Variants in SFMBT1 observed in about 807,000 individuals in gnomAD.
SFMBT1 encodes the protein Scm like with four mbt domains 1.
In SFMBT1, 32 loss-of-function variants were observed where a neutral mutation model predicts 108.7. The observed-to-expected ratio is 0.29, with a 90% CI of 0.22 to 0.40. The LOEUF is 0.40. SFMBT1 is among the 10% of genes least tolerant of loss of function. The pLI, the probability that SFMBT1 is intolerant of heterozygous loss-of-function variation, is 1.00. For missense variants in SFMBT1, 816 were observed against 1,059.6 expected (o/e 0.77, Z 3.19); for synonymous variants, 348 against 369.5 (o/e 0.94, Z 0.67).
intron 1 of SFMBT1, among the ~76,000 whole-genome samples, chr3:53,001,806 G>T (rs562687973): frequency 1.3e-5 from 2 of 148,168 alleles, no homozygotes; most frequent in South Asian, 4.3e-4. Flanking sequence ...CATGACTGTG[G>T]TCCCAACTAC....
chr3:53,043,826 T>TC (rs1044849919), intron 1 of SFMBT1, among the ~76,000 whole-genome samples: 1 of 152,230 alleles, frequency 6.6e-6, no homozygotes, highest in Middle Eastern at 3.2e-3. Context: ...CGGCCATAAC[T>TC]CCAAGTTTAC....
At chr3:52,985,715 T>C (rs1023594006) in intron 1 of SFMBT1, among the ~76,000 whole-genome samples, 1 of 152,214 alleles carries the variant, frequency 6.6e-6, no homozygotes, top group Non-Finnish European at 1.5e-5. Context: ...CGGCCTACTA[T>C]ACACCTAGGC....
chr3:52,910,279 C>T (rs1702184513), intron 17 of SFMBT1, among the ~76,000 whole-genome samples: 1 of 152,040 alleles, frequency 6.6e-6, no homozygotes, highest in East Asian at 1.9e-4. Flanking sequence ...ATTGTTGTAT[C>T]CCAGTGCTAG....
chr3:53,043,794 A>G (rs1159251884), intron 1 of SFMBT1, among the ~76,000 whole-genome samples: 5 of 152,220 alleles, frequency 3.3e-5, no homozygotes, highest in African/African-American at 1.2e-4. Flanking sequence ...ATCATTATAA[A>G]AGCAAAGGGT....
At chr3:53,016,537 G>A (rs768206659) in intron 1 of SFMBT1, among the ~76,000 whole-genome samples, 7 of 152,116 alleles carry the variant, frequency 4.6e-5, no homozygotes, top group Admixed American at 3.9e-4. Flanking sequence ...ACATATCCCC[G>A]TGTTTTAATT....
At position 52,989,422 on chromosome 3, in the gene SFMBT1, CAAA is replaced by C. The variant is rs762327335; in HGVS notation, c.-130-20167_-130-20165del. Among the ~76,000 whole-genome samples the C allele has an allele frequency of 3.0e-3, 241 of 81,692 alleles. 4 individuals are homozygous for C. The East Asian group carries it at 0.071, about 24-fold the overall frequency. The allele number at this position is 81,692 out of a possible 152,430, so 53.6% of individuals were successfully genotyped here. ...ACTGCACTCCAGCCTGACTCCATCT[CAAA>C]AAAAAAAAAAAAAGAAAGAAAGAAA... On this transcript the variant is annotated intron_variant, in intron 1 of 20. Transcript: ENST00000394752.
intron 4 of SFMBT1, among the ~76,000 whole-genome samples, chr3:52,940,122 C>T (rs373964673): frequency 6.6e-6 from 1 of 152,282 alleles, no homozygotes. Context: ...AAACGAGATG[C>T]ATTTTCCTAC....
chr3:52,920,700 G>T, intron 11 of SFMBT1, 50 bp from the exon 12 acceptor site: 2 of 1,169,156 alleles, frequency 1.7e-6, no homozygotes, highest in Non-Finnish European at 2.5e-6. Flanking sequence ...CCTTTTTTTA[G>T]ACCATTAAAT....
In SFMBT1 at chr3:52,930,325, T is replaced by A; in HGVS notation, c.897+4A>T. ...TCTTACCAAGAGAGTTATCTCCATT[T>A]TACCTTAACAACTGTAGCAGGAGAG... On this transcript the variant is annotated splice_donor_region_variant and intron_variant, in intron 8 of 20. Coordinates refer to ENST00000394752, the MANE Select transcript of SFMBT1 (RefSeq NM_016329.4). 1 of 1,560,646 alleles carries A rather than the reference T, an allele frequency of 6.4e-7. No homozygotes were observed.
At chr3:52,977,217 G>C (rs918209434) in intron 1 of SFMBT1, among the ~76,000 whole-genome samples, 3 of 152,222 alleles carry the variant, frequency 2.0e-5, no homozygotes, top group South Asian at 2.1e-4. Flanking sequence ...CCTGTATTAA[G>C]AAAAAACTGG....
chr3:52,992,059 T>C (rs1178694925), intron 1 of SFMBT1, among the ~76,000 whole-genome samples: 1 of 152,164 alleles, frequency 6.6e-6, no homozygotes, highest in Non-Finnish European at 1.5e-5. Flanking sequence ...CTATTCCACT[T>C]CTAAGCAGCT....
At chr3:52,962,537 G>A (rs1261616609) in intron 2 of SFMBT1, among the ~76,000 whole-genome samples, 1 of 152,038 alleles carries the variant, frequency 6.6e-6, no homozygotes, top group East Asian at 1.9e-4. Flanking sequence ...CAGGCGCAGT[G>A]GCTCATGCCT....
At chr3:52,905,955 C>A (rs1702054097) in intron 20 of SFMBT1, among the ~76,000 whole-genome samples, 158 bp downstream of exon 20, 1 of 152,140 alleles carries the variant, frequency 6.6e-6, no homozygotes, top group Admixed American at 6.6e-5. Flanking sequence ...TGATAAATAA[C>A]TTTTTATCAT....
chr3:52,939,455 TC>T (rs1223459068), intron 4 of SFMBT1, among the ~76,000 whole-genome samples: 2 of 152,088 alleles, frequency 1.3e-5, no homozygotes, highest in Non-Finnish European at 2.9e-5. Flanking sequence ...GTACCTGTAG[TC>T]CCAGCTACTC....
intron 1 of SFMBT1, among the ~76,000 whole-genome samples, chr3:52,989,789 T>G (rs1705057786): frequency 1.1e-5 from 1 of 90,570 alleles, no homozygotes; most frequent in African/African-American, 3.1e-5. Flanking sequence ...CTAGACTCCA[T>G]CTCAAAAAAA....
intron 1 of SFMBT1, among the ~76,000 whole-genome samples, chr3:53,011,321 G>A (rs867784570): frequency 1.9e-4 from 29 of 152,178 alleles, no homozygotes; most frequent in African/African-American, 7.0e-4. Context: ...GGTCGGCAAG[G>A]GGCAGGGTGG....
rs1163849754 is a variant in SFMBT1 at position 52,907,263 on chromosome 3, G to A, written c.2137C>T (p.Leu713=). 3 of 1,613,794 alleles carry A rather than the reference G, an allele frequency of 1.9e-6. No individual in the cohort carries two copies. The highest frequency in any genetic ancestry group is 2.5e-6 in the Non-Finnish European group (3 of 1,180,028). Residue 713 remains leucine, a synonymous_variant, in exon 19 of 21, where the codon CTA becomes TTA. Transcript: ENST00000394752. The stretch of plus-strand genomic sequence containing the variant: ...TGCTCGGATGTACTGCCTTCACTTA[G>A]GGAATCATCATCCCCTTCATCTGGG... ...DDPDEGDDDS[L]SEGSTSEQQD... is the part of the protein sequence containing the mutation.
At chr3:53,038,352 T>C (rs987156104) in intron 1 of SFMBT1, among the ~76,000 whole-genome samples, 1 of 152,186 alleles carries the variant, frequency 6.6e-6, no homozygotes, top group Non-Finnish European at 1.5e-5. Context: ...AGGAAACAAC[T>C]AACCATTCTT....
intron 1 of SFMBT1, among the ~76,000 whole-genome samples, chr3:52,972,154 T>A (rs906499019): frequency 1.3e-5 from 2 of 152,242 alleles, no homozygotes; most frequent in Non-Finnish European, 2.9e-5. Context: ...TCATCTACTG[T>A]TTATGTTCAT....
Sources: allele counts gnomAD v4.1 joint callset (sites outside exome capture counted in the v4.1 genomes callset), GRCh38; gene constraint gnomAD v4.1.1; transcripts MANE v1.5; gene names NCBI Gene and HGNC (gene_info 2026-07-23, HGNC 2026-07-21).